The following C12orf42 variants were observed in gnomAD, a reference collection of about 807,000 sequenced individuals.
The protein encoded by C12orf42 is chromosome 12 open reading frame 42.
C12orf42 carries 25 observed loss-of-function variants against 21.6 expected under a neutral mutation model. The observed-to-expected ratio is 1.16, with a 90% CI of 0.84 to 1.62. The LOEUF is 1.62. Ranked by LOEUF, C12orf42 falls within the 40% of genes most tolerant of loss-of-function variation. C12orf42 has a pLI of 0.00. For synonymous variants in C12orf42, 174 were observed against 175.0 expected (o/e 0.99, Z 0.05); for missense variants, 483 against 459.3 (o/e 1.05, Z -0.47).
rs78561739 is a variant in C12orf42, at chr12:103,377,321, T to C, written c.148-8323A>G. The stretch of plus-strand genomic sequence containing the variant: ...TCATTCATATTTAACAATAAGGCAC[T>C]GAAAGGCTGACTGCAGCTCTGGATT... On this transcript the variant is annotated intron_variant, in intron 3 of 5. Coordinates refer to ENST00000548883, the MANE Select transcript of C12orf42 (RefSeq NM_198521.5). 1.0e-2 allele frequency among the ~76,000 whole-genome samples: 1,516 copies of C among 152,130 alleles called. 20 individuals carry two copies. The highest frequency in any genetic ancestry group is 0.035 in the African/African-American group (1,454 of 41,512).
At chr12:103,051,071 A>T in the C12orf42 span, among the ~76,000 whole-genome samples, 1 of 152,188 alleles carries the variant, frequency 6.6e-6, no homozygotes, top group African/African-American at 2.4e-5. Context: ...AGAAGATAAA[A>T]CTAAAAGTGT....
intron 1 of C12orf42, among the ~76,000 whole-genome samples, chr12:103,491,065 G>A (rs969470919): frequency 5.9e-5 from 9 of 152,038 alleles, no homozygotes; most frequent in Non-Finnish European, 8.8e-5. Flanking sequence ...TTTCACCAGT[G>A]TTTATGTATT....
the C12orf42 span, among the ~76,000 whole-genome samples, chr12:103,520,362 A>G: frequency 6.6e-6 from 1 of 152,102 alleles, no homozygotes; most frequent in Non-Finnish European, 1.5e-5. Flanking sequence ...CTTATAATAT[A>G]CACTCCTCCC....
the C12orf42 span, among the ~76,000 whole-genome samples, chr12:103,132,559 T>A: frequency 6.6e-6 from 1 of 152,096 alleles, no homozygotes; most frequent in Non-Finnish European, 1.5e-5. Context: ...AGCAAGAGGC[T>A]ATATTGAGAT....
At chr12:103,511,748 A>G in the C12orf42 span, among the ~76,000 whole-genome samples, 1 of 152,340 alleles carries the variant, frequency 6.6e-6, no homozygotes, top group Non-Finnish European at 1.5e-5. Flanking sequence ...TCCCTGATAC[A>G]ATAGTGATTT....
chr12:103,429,830 T>C (rs915332987), intron 2 of C12orf42, among the ~76,000 whole-genome samples: 8 of 152,222 alleles, frequency 5.3e-5, no homozygotes, highest in Admixed American at 3.3e-4. Flanking sequence ...TCTACAACCA[T>C]CTGATCTTTG....
chr12:103,457,542 T>C (rs1041768063), intron 2 of C12orf42, among the ~76,000 whole-genome samples: 1 of 152,174 alleles, frequency 6.6e-6, no homozygotes, highest in Non-Finnish European at 1.5e-5. Context: ...AATGTCTTAC[T>C]GCTGTGTCAG....
At chr12:103,368,450 T>A (rs2044840976) in intron 4 of C12orf42, among the ~76,000 whole-genome samples, 1 of 151,972 alleles carries the variant, frequency 6.6e-6, no homozygotes, top group Admixed American at 6.6e-5. Context: ...GCTACCTAGA[T>A]TCCAGGGGTG....
At chr12:103,502,851 T>C in the C12orf42 span, among the ~76,000 whole-genome samples, 1 of 152,196 alleles carries the variant, frequency 6.6e-6, no homozygotes, top group South Asian at 2.1e-4. Context: ...GAAAGAATGG[T>C]AGGCATGTTG....
chr12:103,317,403 C>T (rs1348070841), intron 4 of C12orf42, among the ~76,000 whole-genome samples: 3 of 152,178 alleles, frequency 2.0e-5, no homozygotes, highest in Non-Finnish European at 4.4e-5. Flanking sequence ...CGCCTCTTCC[C>T]CATGACATCA....
At chr12:103,197,929 C>T in the C12orf42 span, among the ~76,000 whole-genome samples, 1 of 152,188 alleles carries the variant, frequency 6.6e-6, no homozygotes, top group East Asian at 1.9e-4. Context: ...TGAGCACCTG[C>T]TGTACTGAAG....
At chr12:103,410,580 G>C (rs1265432202) in intron 2 of C12orf42, among the ~76,000 whole-genome samples, 1 of 152,152 alleles carries the variant, frequency 6.6e-6, no homozygotes, top group Non-Finnish European at 1.5e-5. Context: ...CAGGATGGAT[G>C]GGGAATATCT....
At chr12:103,165,171 T>G in the C12orf42 span, among the ~76,000 whole-genome samples, 1 of 152,194 alleles carries the variant, frequency 6.6e-6, no homozygotes, top group Non-Finnish European at 1.5e-5. Flanking sequence ...GCCACCTGAA[T>G]CAACCAATGG....
chr12:103,496,667 T>C (rs1208358589), upstream of C12orf42, among the ~76,000 whole-genome samples: 2 of 152,100 alleles, frequency 1.3e-5, no homozygotes, highest in South Asian at 2.1e-4. Flanking sequence ...TCATAATATA[T>C]AAATATTTTT....
the C12orf42 span, among the ~76,000 whole-genome samples, chr12:103,200,845 A>C: frequency 6.6e-6 from 1 of 152,230 alleles, no homozygotes; most frequent in Non-Finnish European, 1.5e-5. Context: ...AGGCTCAAAC[A>C]CATCTTTATT....
the C12orf42 span, among the ~76,000 whole-genome samples, chr12:103,185,226 G>A: frequency 2.0e-3 from 305 of 152,232 alleles, no homozygotes; most frequent in African/African-American, 7.1e-3. Flanking sequence ...GGCTAAGGGC[G>A]ACTCCTAGAT....
Position 103,250,476 on chromosome 12 carries a change from G to C in C12orf42, c.*1367-12574C>G, listed in dbSNP as rs140265238. On this transcript the variant is annotated intron_variant and NMD_transcript_variant, in intron 10 of 10. Transcript: ENST00000547347. ...TATAGCTTCGAACTGCACCCATCCT[G>C]AATAAACCAACCATCATGGCCACTG... 7.2e-3 allele frequency among the ~76,000 whole-genome samples: 1,089 copies of C among 152,114 alleles called. 4 individuals are homozygous for C. The highest frequency in any genetic ancestry group is 0.011 in the Non-Finnish European group (779 of 67,990).
intron 4 of C12orf42, among the ~76,000 whole-genome samples, chr12:103,294,627 A>AGAAG (rs2037121682): frequency 6.7e-6 from 1 of 149,394 alleles, no homozygotes; most frequent in Non-Finnish European, 1.5e-5. Flanking sequence ...AAAGAAAGAA[A>AGAAG]GAAAGAAAGA....
At chr12:103,279,443 TTTG>T (rs2035972068) in intron 4 of C12orf42, among the ~76,000 whole-genome samples, 1 of 152,214 alleles carries the variant, frequency 6.6e-6, no homozygotes, top group African/African-American at 2.4e-5. Flanking sequence ...ATGTATATAT[TTTG>T]TTGTTTTATA....
Sources: allele counts gnomAD v4.1 joint callset (sites outside exome capture counted in the v4.1 genomes callset), GRCh38; gene constraint gnomAD v4.1.1; transcripts MANE v1.5; gene names NCBI Gene and HGNC (gene_info 2026-07-23, HGNC 2026-07-21).